CDKAL1: variants seen among roughly 807,000 people sequenced by gnomAD.
CDKAL1 encodes threonylcarbamoyladenosine tRNA methylthiotransferase.
Under a neutral mutation model 68.2 loss-of-function variants are expected in CDKAL1, and 32 were observed. That is an observed-to-expected ratio of 0.47 (90% CI 0.35 to 0.63). CDKAL1 has a LOEUF of 0.63. Among genes scored for constraint, CDKAL1 ranks in the 30% least tolerant of loss-of-function variants. CDKAL1 has a pLI of 0.00. For synonymous variants in CDKAL1, 234 were observed against 244.3 expected, an observed-to-expected ratio of 0.96 and a Z score of 0.39; for missense variants, 606 against 696.7, an observed-to-expected ratio of 0.87 and a Z score of 1.47.
chr6:20,841,793 A>T (rs549557030), intron 8 of CDKAL1, among the ~76,000 whole-genome samples: 1 of 152,230 alleles, frequency 6.6e-6, no homozygotes, highest in Non-Finnish European at 1.5e-5. Flanking sequence ...CCTGGGTTAT[A>T]CTGCCAGATT....
At chr6:21,209,878 C>T (rs1290959699) in intron 15 of CDKAL1, among the ~76,000 whole-genome samples, 2 of 152,146 alleles carry the variant, frequency 1.3e-5, no homozygotes, top group Non-Finnish European at 2.9e-5. Context: ...TGTTGGGAAC[C>T]ACTCTTCCAC....
chr6:20,581,844 T>A lies in CDKAL1; in HGVS notation c.286+33139T>A, dbSNP rs112417812. Among the ~76,000 whole-genome samples the A allele has an allele frequency of 3.9e-3, 596 of 152,332 alleles. 3 individuals are homozygous for A. The highest frequency in any genetic ancestry group is 0.014 in the African/African-American group (562 of 41,578). On this transcript the variant is annotated intron_variant, in intron 4 of 15. Transcript: ENST00000274695. ...ACAACCCTTAACCCCAAGTTTTTGCTTTAGCAATTCAGGATAATGCCAAAA... is the reference window on the plus strand; with the variant it reads ...ACAACCCTTAACCCCAAGTTTTTGCATTAGCAATTCAGGATAATGCCAAAA...
intron 11 of CDKAL1, among the ~76,000 whole-genome samples, chr6:21,018,118 G>T (rs1768442303): frequency 6.6e-6 from 1 of 152,154 alleles, no homozygotes; most frequent in Non-Finnish European, 1.5e-5. Context: ...GTAAACCATT[G>T]CAGTATTTGG....
At position 20,848,152 on chromosome 6, in the gene CDKAL1, C is replaced by T. The variant is rs531379786; in HGVS notation, c.742+1974C>T. ...GAAGTTACAAAGTTACATGCTTATGCAAACGTCTGACTGGTTGCAGAAAGC... is the reference window on the plus strand; with the variant it reads ...GAAGTTACAAAGTTACATGCTTATGTAAACGTCTGACTGGTTGCAGAAAGC... On this transcript the variant is annotated intron_variant, in intron 9 of 15. Coordinates refer to ENST00000274695, the MANE Select transcript of CDKAL1 (RefSeq NM_017774.3). Among the ~76,000 whole-genome samples the T allele has an allele frequency of 5.3e-5, 5 of 94,656 alleles. No homozygotes were observed. The South Asian group carries it at 1.7e-3, about 33-fold the overall frequency. The allele number at this position is 94,656 out of a possible 152,430, so 62.1% of individuals were successfully genotyped here.
intron 8 of CDKAL1, chr6:20,799,769 C>G (rs1235313391): frequency 1.3e-5 from 2 of 152,162 alleles, no homozygotes; most frequent in East Asian, 1.9e-4. Context: ...GTGCATCCTC[C>G]CCTTACCTTC....
At chr6:20,759,535 C>T (rs2150350456) in intron 7 of CDKAL1, among the ~76,000 whole-genome samples, 1 of 152,222 alleles carries the variant, frequency 6.6e-6, no homozygotes, top group Middle Eastern at 3.4e-3. Context: ...GAGCGAGACC[C>T]TATCTCAAAA....
intron 13 of CDKAL1, among the ~76,000 whole-genome samples, chr6:21,177,920 T>C (rs1319816549): frequency 6.6e-6 from 1 of 152,188 alleles, no homozygotes; most frequent in Non-Finnish European, 1.5e-5. Flanking sequence ...CATTCTGTAG[T>C]ATTTTAGTTA....
At chr6:21,060,605 G>C (rs1159790431) in intron 11 of CDKAL1, among the ~76,000 whole-genome samples, 1 of 151,670 alleles carries the variant, frequency 6.6e-6, no homozygotes, top group Admixed American at 6.6e-5. Flanking sequence ...TTCTTGAAGT[G>C]GAAGCTTAGA....
chr6:20,980,050 C>A, intron 10 of CDKAL1, among the ~76,000 whole-genome samples: 1 of 151,966 alleles, frequency 6.6e-6, no homozygotes. Context: ...GGATTACAGG[C>A]GTGAGCCACC....
rs187676431 is a variant in CDKAL1, at chr6:20,897,940, G to A, written c.742+51762G>A. On this transcript the variant is annotated intron_variant, in intron 9 of 15. Coordinates refer to ENST00000274695, the MANE Select transcript of CDKAL1 (RefSeq NM_017774.3). ...AAATCTATTTAAGATTGGATTATATGAATGACTCAGTCAAAGGTCTGATGA... is the reference window on the plus strand; with the variant it reads ...AAATCTATTTAAGATTGGATTATATAAATGACTCAGTCAAAGGTCTGATGA... Among the ~76,000 whole-genome samples, 792 of 152,144 alleles carry A rather than the reference G, an allele frequency of 5.2e-3. 4 individuals carry two copies. Among genetic ancestry groups the A allele is most frequent in the Non-Finnish European group, 9.4e-3 (636 of 67,996 alleles).
intron 9 of CDKAL1, among the ~76,000 whole-genome samples, chr6:20,941,551 CTG>C (rs1424553610): frequency 1.3e-5 from 2 of 152,084 alleles, no homozygotes; most frequent in Non-Finnish European, 2.9e-5. Context: ...AAAAAATTGT[CTG>C]TGTTTGTTAT....
intron 4 of CDKAL1, among the ~76,000 whole-genome samples, chr6:20,556,352 T>G (rs543233816): frequency 4.7e-4 from 72 of 151,882 alleles, no homozygotes; most frequent in Admixed American, 1.7e-3. Flanking sequence ...GTAACAAGAC[T>G]GAAACTCCGC....
intron 13 of CDKAL1, among the ~76,000 whole-genome samples, chr6:21,171,071 T>G (rs1302870897): frequency 2.0e-5 from 3 of 152,124 alleles, no homozygotes; most frequent in Admixed American, 2.0e-4. Flanking sequence ...ATCTGAAAAG[T>G]AAAGAGAAGA....
intron 13 of CDKAL1, among the ~76,000 whole-genome samples, chr6:21,128,517 A>G (rs1301951637): frequency 1.3e-5 from 2 of 152,210 alleles, no homozygotes; most frequent in African/African-American, 2.4e-5. Context: ...ATGTAATTCT[A>G]TTTTGCTAAC....
At position 21,186,393 on chromosome 6, in the gene CDKAL1, T is replaced by G. The variant is rs145232590; in HGVS notation, c.1300-11628T>G. Among the ~76,000 whole-genome samples, 229 of 152,348 alleles carry G rather than the reference T, an allele frequency of 1.5e-3. 3 individuals carry two copies. Among genetic ancestry groups the G allele is most frequent in the African/African-American group, 5.4e-3 (223 of 41,582 alleles). On this transcript the variant is annotated intron_variant, in intron 13 of 15. Coordinates refer to ENST00000274695, the MANE Select transcript of CDKAL1 (RefSeq NM_017774.3). ...CTATTTTGGACGTTCATTTTTGGCT[T>G]ATTTTTAAAAAATGAATTTTTTGAT... is the stretch of plus-strand genomic sequence containing the variant.
chr6:20,586,409 G>A (rs1452610414), intron 4 of CDKAL1, among the ~76,000 whole-genome samples: 1 of 152,192 alleles, frequency 6.6e-6, no homozygotes, highest in Non-Finnish European at 1.5e-5. Context: ...AGGCCAAGGT[G>A]GGTGGATCAC....
At chr6:20,703,942 T>C (rs1771485894) in intron 5 of CDKAL1, among the ~76,000 whole-genome samples, 1 of 152,234 alleles carries the variant, frequency 6.6e-6, no homozygotes, top group Admixed American at 6.5e-5. Context: ...AGTGAATTTT[T>C]ATTTAATGAT....
At chr6:20,706,586 C>G (rs557295338) in intron 5 of CDKAL1, among the ~76,000 whole-genome samples, 1 of 152,274 alleles carries the variant, frequency 6.6e-6, no homozygotes, top group South Asian at 2.1e-4. Flanking sequence ...TCTAACTTTA[C>G]AACTAGGGAG....
intron 11 of CDKAL1, among the ~76,000 whole-genome samples, chr6:21,020,655 C>T (rs537245974): frequency 1.4e-4 from 21 of 151,880 alleles, no homozygotes; most frequent in South Asian, 2.1e-4. Context: ...TTAGTAGAGA[C>T]GGGGTTTCTC....
Sources: allele counts gnomAD v4.1 joint callset (sites outside exome capture counted in the v4.1 genomes callset), GRCh38; gene constraint gnomAD v4.1.1; transcripts MANE v1.5; gene names NCBI Gene and HGNC (gene_info 2026-07-23, HGNC 2026-07-21).